Variants in TTL observed in about 807,000 individuals in gnomAD.
TTL encodes the protein tubulin--tyrosine ligase.
In TTL, 10 loss-of-function variants were observed where a neutral mutation model predicts 41.1. The observed-to-expected ratio is 0.24, with a 90% CI of 0.15 to 0.41. The LOEUF (loss-of-function observed/expected upper bound fraction) is 0.41. Ranked by LOEUF, TTL falls within the 10% of genes least tolerant of loss-of-function variation. The pLI, the probability that TTL is intolerant of heterozygous loss-of-function variation, is 1.00. For missense variants in TTL, 367 were observed against 460.4 expected (o/e 0.80, Z 1.86); for synonymous variants, 175 against 175.5 (o/e 1.00, Z 0.02).
intron 5 of TTL, among the ~76,000 whole-genome samples, chr2:112,513,517 G>C (rs1279354643): frequency 1.3e-5 from 2 of 151,320 alleles, no homozygotes; most frequent in Non-Finnish European, 2.9e-5. Flanking sequence ...CTGAGAATGT[G>C]TTTATTTCAC....
At chr2:112,503,477 A>G (rs2104460031) in intron 5 of TTL, among the ~76,000 whole-genome samples, 1 of 148,696 alleles carries the variant, frequency 6.7e-6, no homozygotes, top group African/African-American at 2.4e-5. Context: ...CTTGTTGCCC[A>G]GGCTGGAGTG....
Position 112,517,309 on chromosome 2 carries a change from G to A in TTL, c.876-2973G>A, listed in dbSNP as rs544764457. On this transcript the variant is annotated intron_variant, in intron 5 of 6. Transcript: ENST00000233336. ...GTCACCCAGGCTGAAGTGCAGTGGC[G>A]CAATCTCATCTCATTTCAACCTCTG... Among the ~76,000 whole-genome samples the A allele has an allele frequency of 3.3e-4, 50 of 152,080 alleles. 1 individual carries two copies. The highest frequency in any genetic ancestry group is 1.0e-3 in the African/African-American group (43 of 41,496).
At position 112,537,404 on chromosome 2, in the gene TTL, A is replaced by G. The variant is rs1476105718; in HGVS notation, c.*8609A>G. ...CTGCTCTGTTTTAAATTCTTTGAGAAATCTCCAAACTTCTTTCCACAGTGG... is the reference window on the plus strand; with the variant it reads ...CTGCTCTGTTTTAAATTCTTTGAGAGATCTCCAAACTTCTTTCCACAGTGG... On this transcript the variant is annotated 3_prime_UTR_variant, in exon 7 of 7. Transcript: ENST00000233336. The G allele has an allele frequency of 1.3e-5, 2 of 152,246 alleles. No individual in the cohort carries two copies. Among genetic ancestry groups the G allele is most frequent in the Non-Finnish European group, 1.5e-5 (1 of 68,072 alleles). The allele number at this position is 152,246 out of a possible 1,614,324, so 9.4% of individuals were successfully genotyped here.
At chr2:112,492,760 G>A (rs966663124) in intron 2 of TTL, among the ~76,000 whole-genome samples, 2 of 151,562 alleles carry the variant, frequency 1.3e-5, no homozygotes, top group Non-Finnish European at 2.9e-5. Context: ...GTGTGGTCAC[G>A]GGCGTCTGTA....
Position 112,530,463 on chromosome 2 carries a change from T to A in TTL, c.*1668T>A. ...TAGAGCAAAATAAAACAGTCAGTTG[T>A]AGTCATTAATCCTTGAGGCCCAACG... On this transcript the variant is annotated 3_prime_UTR_variant, in exon 7 of 7. Transcript: ENST00000233336. 1 of 228,146 alleles carries A rather than the reference T, an allele frequency of 4.4e-6. No individual in the cohort carries two copies. Among genetic ancestry groups the A allele is most frequent in the Middle Eastern group, 1.3e-3 (1 of 754 alleles). 14.1% of individuals were successfully genotyped at this position (228,146 alleles called of 1,614,324 possible). A position where few individuals can be genotyped will look rare whatever the true frequency, so the allele number is the denominator to read the frequency against.
chr2:112,491,208 G>T (rs1681377101), intron 2 of TTL, among the ~76,000 whole-genome samples: 1 of 151,890 alleles, frequency 6.6e-6, no homozygotes, highest in Admixed American at 6.6e-5. Flanking sequence ...AGCCAGGATG[G>T]TCTTGATCTA....
Position 112,529,581 on chromosome 2 carries a change from C to A in TTL, c.*786C>A. The A allele has an allele frequency of 4.4e-6, 1 of 228,578 alleles. No homozygotes were observed. Among genetic ancestry groups the A allele is most frequent in the South Asian group, 1.8e-4 (1 of 5,484 alleles). The allele number at this position is 228,578 out of a possible 1,614,324, so 14.2% of individuals were successfully genotyped here. ...ATTTTCTCAATTTTCTTTGCTTTAA[C>A]CAAAATTCTAAATGCAGTTTTGCCT... On this transcript the variant is annotated 3_prime_UTR_variant, in exon 7 of 7. Coordinates refer to ENST00000233336, the MANE Select transcript of TTL (RefSeq NM_153712.5).
rs192081024 is a variant in TTL, at chr2:112,513,541, G to T, written c.876-6741G>T. ...TGTTTATTTCACCATCTTCCTGAAG[G>T]GTATTTTCACTGGATTTATACAAAT... On this transcript the variant is annotated intron_variant, in intron 5 of 6. Transcript: ENST00000233336. Among the ~76,000 whole-genome samples the T allele has an allele frequency of 8.9e-3, 1,319 of 148,218 alleles. 19 individuals carry two copies. The highest frequency in any genetic ancestry group is 0.03 in the African/African-American group (1,227 of 40,516).
chr2:112,482,210 G>A lies in TTL; in HGVS notation c.-135G>A. ...CGGGCGCGGCGCCGCCGGCACCCGA[G>A]AGGCGCGGTAGCCGGCGCGGGCGGC... On this transcript the variant is annotated 5_prime_UTR_variant, in exon 1 of 7. Transcript: ENST00000233336. This position sits in a 1 kb window ranked among gnomAD's most constrained non-coding sequence, Gnocchi z 5.3. 1.9e-6 allele frequency: 1 copy of A among 533,870 alleles called. No individual in the cohort carries two copies. The highest frequency in any genetic ancestry group is 2.4e-6 in the Non-Finnish European group (1 of 420,912). 33.1% of individuals were successfully genotyped at this position (533,870 alleles called of 1,614,324 possible). A position where few individuals can be genotyped will look rare whatever the true frequency, so the allele number is the denominator to read the frequency against.
chr2:112,514,292 GA>G, intron 5 of TTL, among the ~76,000 whole-genome samples: 1 of 151,876 alleles, frequency 6.6e-6, no homozygotes, highest in Admixed American at 6.6e-5. Flanking sequence ...TGAGGTGGGA[GA>G]ATAGCTTGAA....
Position 112,528,746 on chromosome 2 carries a change from CAGATG to C in TTL, c.1086_1090del (p.Asp363GlyfsTer34). ...GCCATTTCCAGTGTCTTCCCACCCC[CAGATG>C]TGGAGCAACCTCAGACCCAGCCAGC... On this transcript the variant is annotated frameshift_variant, in exon 7 of 7. Transcript: ENST00000233336. LOFTEE classifies it high-confidence loss of function. 1 of 1,614,176 alleles carries C rather than the reference CAGATG, an allele frequency of 6.2e-7. No homozygotes were observed. The highest frequency in any genetic ancestry group is 2.2e-5 in the East Asian group (1 of 44,890).
intron 5 of TTL, among the ~76,000 whole-genome samples, chr2:112,519,763 C>T (rs934379690): frequency 1.3e-5 from 2 of 152,036 alleles, no homozygotes; most frequent in Admixed American, 6.6e-5. Context: ...TGGAAGAACA[C>T]GAGTGGTTGC....
chr2:112,503,412 T>TAC, intron 5 of TTL, among the ~76,000 whole-genome samples: 1 of 146,938 alleles, frequency 6.8e-6, no homozygotes, highest in South Asian at 2.1e-4. Flanking sequence ...TGTATATATA[T>TAC]ATATATATTT....
In TTL at chr2:112,539,018, G is replaced by A. The variant is rs1682656561; in HGVS notation, c.*10223G>A. The A allele has an allele frequency of 6.6e-6, 1 of 151,054 alleles. No homozygotes were observed. Among genetic ancestry groups the A allele is most frequent in the Non-Finnish European group, 1.5e-5 (1 of 68,010 alleles). The allele number at this position is 151,054 out of a possible 1,614,324, so 9.4% of individuals were successfully genotyped here. ...TGTAATCCCAGCTACTCAGGAGGCT[G>A]AAGCAGGGGAATCACTTGAACCTGG... On this transcript the variant is annotated 3_prime_UTR_variant, in exon 7 of 7. Coordinates refer to ENST00000233336, the MANE Select transcript of TTL (RefSeq NM_153712.5).
Position 112,520,323 on chromosome 2 carries a change from A to AC in TTL, c.919dup (p.Leu307ProfsTer12). 1 of 1,613,912 alleles carries AC rather than the reference A, an allele frequency of 6.2e-7. No homozygotes were observed. The highest frequency in any genetic ancestry group is 8.5e-7 in the Non-Finnish European group (1 of 1,179,978). On this transcript the variant is annotated frameshift_variant, in exon 6 of 7. Coordinates refer to ENST00000233336, the MANE Select transcript of TTL (RefSeq NM_153712.5). LOFTEE classifies it high-confidence loss of function. Reference sequence around the variant, plus strand: ...GTGGAGCCTGCCATTAGCACCAAGCACCTCCCTTACCAGAGCTTCCAGCTC... The same window carrying AC: ...GTGGAGCCTGCCATTAGCACCAAGCACCCTCCCTTACCAGAGCTTCCAGCTC...
chr2:112,485,883 TG>T (rs1432022843), intron 1 of TTL, 33 bp from the exon 2 acceptor site: 1 of 1,558,462 alleles, frequency 6.4e-7, no homozygotes, highest in African/African-American at 2.2e-5. Context: ...TGCTGTGTCC[TG>T]TGTCCCTTCT....
rs1682613867 is a variant in TTL, at chr2:112,537,125, G to T, written c.*8330G>T. ...TGGTGGAGTCTCTCTCTGTCACCCA[G>T]GCTGGAGTGCAGTGGTGTGATCTGT... On this transcript the variant is annotated 3_prime_UTR_variant, in exon 7 of 7. Coordinates refer to ENST00000233336, the MANE Select transcript of TTL (RefSeq NM_153712.5). The T allele has an allele frequency of 6.5e-6, 1 of 152,728 alleles. No homozygotes were observed. The highest frequency in any genetic ancestry group is 1.5e-5 in the Non-Finnish European group (1 of 68,442). The allele number at this position is 152,728 out of a possible 1,614,324, so 9.5% of individuals were successfully genotyped here. A position where few individuals can be genotyped will look rare whatever the true frequency, so the allele number is the denominator to read the frequency against.
intron 6 of TTL, among the ~76,000 whole-genome samples, chr2:112,527,186 C>A (rs1352755377): frequency 6.6e-6 from 1 of 152,152 alleles, no homozygotes; most frequent in Non-Finnish European, 1.5e-5. Flanking sequence ...TTTACATTTG[C>A]TGAGGAGTGC....
At position 112,496,709 on chromosome 2, in the gene TTL, A is replaced by AT. The variant is rs1311299876; in HGVS notation, c.469+2350dup. Among the ~76,000 whole-genome samples, 551 of 57,190 alleles carry AT rather than the reference A, an allele frequency of 9.6e-3. 10 individuals are homozygous for AT. Among genetic ancestry groups the AT allele is most frequent in the African/African-American group, 0.033 (482 of 14,442 alleles). The allele number at this position is 57,190 out of a possible 152,430, so 37.5% of individuals were successfully genotyped here. A position where few individuals can be genotyped will look rare whatever the true frequency, so the allele number is the denominator to read the frequency against. On this transcript the variant is annotated intron_variant, in intron 3 of 6. Coordinates refer to ENST00000233336, the MANE Select transcript of TTL (RefSeq NM_153712.5). The stretch of plus-strand genomic sequence containing the variant: ...TGTGTGTGTGTGTGTGTGTGTGTGT[A>AT]TTTTTTTTTTTTTTTTGAGACAAGG...
Sources: allele counts gnomAD v4.1 joint callset (sites outside exome capture counted in the v4.1 genomes callset), GRCh38; gene constraint gnomAD v4.1.1; non-coding constraint Gnocchi (gnomAD v3.1); transcripts MANE v1.5; gene names NCBI Gene and HGNC (gene_info 2026-07-23, HGNC 2026-07-21).